Variants in SH2D3C observed in about 807,000 individuals in gnomAD.
SH2D3C encodes the protein SH2 domain-containing protein 3C.
SH2D3C carries 25 observed loss-of-function variants against 75.2 expected under a neutral mutation model. That is an observed-to-expected ratio of 0.33 (90% CI 0.24 to 0.46). The LOEUF is 0.46. SH2D3C is among the 20% of genes least tolerant of loss of function. SH2D3C has a pLI of 1.00. For synonymous variants in SH2D3C, 450 were observed against 473.7 expected (o/e 0.95, Z 0.65); for missense variants, 933 against 1,165.3 (o/e 0.80, Z 2.90).
rs1424066452 is a variant in SH2D3C at position 127,771,630 on chromosome 9, ACCCCG to A, written c.515+2355_515+2359del. ...CCTCAACTCCGCCTCGCCTCGCCCCACCCCGCCCCGCCCCGCTCCCGCGAAACTCG... is the reference window on the plus strand; with the variant it reads ...CCTCAACTCCGCCTCGCCTCGCCCCACCCCGCCCCGCTCCCGCGAAACTCG... On this transcript the variant is annotated intron_variant, in intron 2 of 11. Coordinates refer to ENST00000314830, the MANE Select transcript of SH2D3C (RefSeq NM_170600.3). Among the ~76,000 whole-genome samples the A allele has an allele frequency of 4.1e-5, 6 of 147,242 alleles. No individual in the cohort carries two copies. The South Asian group carries it at 1.3e-3, about 33-fold the overall frequency.
chr9:127,778,026 C>T lies in SH2D3C; in HGVS notation c.37+565G>A, dbSNP rs188921543. 7.2e-5 allele frequency among the ~76,000 whole-genome samples: 11 copies of T among 152,032 alleles called. No individual in the cohort carries two copies. The East Asian group carries it at 2.1e-3, about 29-fold the overall frequency. ...TTTTTGAGATGCAGTCTCGCTGTGTCGCCCAGACTGGAGTGCAGTGGTGCA... is the reference window on the plus strand; with the variant it reads ...TTTTTGAGATGCAGTCTCGCTGTGTTGCCCAGACTGGAGTGCAGTGGTGCA... On this transcript the variant is annotated intron_variant, in intron 1 of 11. Transcript: ENST00000314830.
chr9:127,740,221 G>C, intron 10 of SH2D3C, 37 bp downstream of exon 10: 1 of 1,554,546 alleles, frequency 6.4e-7, no homozygotes, highest in Middle Eastern at 1.7e-4. Flanking sequence ...CCCAGGGAGG[G>C]CTGCAGCCTG....
chr9:127,754,197 C>T lies in SH2D3C; in HGVS notation c.556-2897G>A, dbSNP rs1465173101. Among the ~76,000 whole-genome samples the T allele has an allele frequency of 2.0e-5, 3 of 152,182 alleles. No homozygotes were observed. The highest frequency in any genetic ancestry group is 7.2e-5 in the African/African-American group (3 of 41,448). On this transcript the variant is annotated intron_variant, in intron 3 of 11. Transcript: ENST00000314830. The surrounding 1 kb of genome is among the most constrained non-coding windows in gnomAD (Gnocchi z 4.4). Reference sequence around the variant, plus strand: ...GATGATCTCACCGCCTCCCGGCCTGCGCGCGCCTGATTGGCCGGTGCGGGG... The same window carrying T: ...GATGATCTCACCGCCTCCCGGCCTGTGCGCGCCTGATTGGCCGGTGCGGGG...
Position 127,754,703 on chromosome 9 carries a change from G to C in SH2D3C, c.556-3403C>G, listed in dbSNP as rs1168678024. 2.7e-6 allele frequency: 1 copy of C among 367,740 alleles called. No homozygotes were observed. The highest frequency in any genetic ancestry group is 5.9e-6 in the Non-Finnish European group (1 of 168,644). The allele number at this position is 367,740 out of a possible 1,614,324, so 22.8% of individuals were successfully genotyped here. ...CCCAGTCCGGCGCCCCCGGTACAATGGGGAGCCAGGGTGCCCAGGTCAGCC... is the reference window on the plus strand; with the variant it reads ...CCCAGTCCGGCGCCCCCGGTACAATCGGGAGCCAGGGTGCCCAGGTCAGCC... On this transcript the variant is annotated intron_variant, in intron 3 of 11. Coordinates refer to ENST00000314830, the MANE Select transcript of SH2D3C (RefSeq NM_170600.3). The surrounding 1 kb of genome is among the most constrained non-coding windows in gnomAD (Gnocchi z 4.4).
chr9:127,739,043 G>T lies in SH2D3C; in HGVS notation c.2408-122C>A. On this transcript the variant is annotated intron_variant, in intron 11 of 11. Coordinates refer to ENST00000314830, the MANE Select transcript of SH2D3C (RefSeq NM_170600.3). The surrounding 1 kb of genome is among the most constrained non-coding windows in gnomAD (Gnocchi z 4.3). ...CTCCGCCAGGGATCCAACAAGGTTTGTGAATCAACACGACCCTGTAGTTTA... is the reference window on the plus strand; with the variant it reads ...CTCCGCCAGGGATCCAACAAGGTTTTTGAATCAACACGACCCTGTAGTTTA... 1 of 815,642 alleles carries T rather than the reference G, an allele frequency of 1.2e-6. No homozygotes were observed. Among genetic ancestry groups the T allele is most frequent in the Non-Finnish European group, 1.8e-6 (1 of 556,446 alleles). 50.5% of individuals were successfully genotyped at this position (815,642 alleles called of 1,614,324 possible).
At chr9:127,778,019 G>A (rs1260651719) in intron 1 of SH2D3C, among the ~76,000 whole-genome samples, 1 of 151,738 alleles carries the variant, frequency 6.6e-6, no homozygotes, top group East Asian at 1.9e-4. Flanking sequence ...ATGCAGTCTC[G>A]CTGTGTCGCC....
Position 127,739,596 on chromosome 9 carries a change from G to T in SH2D3C, c.2407+86C>A. 1.7e-6 allele frequency: 2 copies of T among 1,210,504 alleles called. No individual in the cohort carries two copies. Among genetic ancestry groups the T allele is most frequent in the South Asian group, 1.4e-5 (1 of 70,830 alleles). The allele number at this position is 1,210,504 out of a possible 1,614,324, so 75.0% of individuals were successfully genotyped here. A position where few individuals can be genotyped will look rare whatever the true frequency, so the allele number is the denominator to read the frequency against. On this transcript the variant is annotated intron_variant, in intron 11 of 11. Coordinates refer to ENST00000314830, the MANE Select transcript of SH2D3C (RefSeq NM_170600.3). This position sits in a 1 kb window ranked among gnomAD's most constrained non-coding sequence, Gnocchi z 4.3. ...GACAGAGGAGTGGAGAAATGTGAAT[G>T]GATGCCTTGGAGAAAAGGGAAGCAG...
rs531008329 is a variant in SH2D3C at position 127,777,199 on chromosome 9, C to T, written c.37+1392G>A. On this transcript the variant is annotated intron_variant, in intron 1 of 11. Transcript: ENST00000314830. The stretch of plus-strand genomic sequence containing the variant: ...ACTGCCCTTTACGCCACATGTCCCC[C>T]ACCCTGGTGGGGTCAGATCAAAGGA... 1.5e-4 allele frequency among the ~76,000 whole-genome samples: 23 copies of T among 152,302 alleles called. No individual in the cohort carries two copies. The South Asian group carries it at 3.9e-3, about 26-fold the overall frequency.
In SH2D3C at chr9:127,744,932, C is replaced by T. The variant is rs760111430; in HGVS notation, c.1432G>A (p.Ala478Thr). 47 of 1,594,078 alleles carry T rather than the reference C, an allele frequency of 2.9e-5. No homozygotes were observed. In the South Asian group the frequency reaches 5.0e-4, roughly 17 times the overall value. The change falls in exon 7 of 12, where the codon GCC becomes ACC. Residue 478 changes from alanine to threonine, a missense_variant. Ala to Thr is a moderately conservative substitution (Grantham distance 58). Coordinates refer to ENST00000314830, the MANE Select transcript of SH2D3C (RefSeq NM_170600.3). ...HTSPSHTLGK[A>T]SPSPSLSSYS... ...CTGCTGAGTGATGGTGACGGGGAGG[C>T]CTTGCCAAGGGTGTGGGAGGGGCTG...
chr9:127,761,829 C>G (rs1564421886), intron 2 of SH2D3C, among the ~76,000 whole-genome samples, 179 bp from the exon 3 acceptor site: 1 of 152,170 alleles, frequency 6.6e-6, no homozygotes, highest in Non-Finnish European at 1.5e-5. Flanking sequence ...CTGTGCACCC[C>G]TAGGCAAGTC....
At chr9:127,760,406 G>A (rs1194359738) in intron 3 of SH2D3C, among the ~76,000 whole-genome samples, 8 of 152,084 alleles carry the variant, frequency 5.3e-5, no homozygotes, top group African/African-American at 1.7e-4. Flanking sequence ...TATCAGGTTG[G>A]TGCAAAAGTA....
chr9:127,739,932 C>T lies in SH2D3C; in HGVS notation c.2201-44G>A. 1 of 1,463,050 alleles carries T rather than the reference C, an allele frequency of 6.8e-7. No individual in the cohort carries two copies. Among genetic ancestry groups the T allele is most frequent in the Non-Finnish European group, 9.2e-7 (1 of 1,091,832 alleles). 90.6% of individuals were successfully genotyped at this position (1,463,050 alleles called of 1,614,324 possible). On this transcript the variant is annotated intron_variant, in intron 10 of 11. Transcript: ENST00000314830. The surrounding 1 kb of genome is among the most constrained non-coding windows in gnomAD (Gnocchi z 4.3). ...CAGGCGCTTAAAGATCCTGTAGTGC[C>T]CCACCATCCACTGCAGTCCTGGAAG...
At chr9:127,771,537 C>T (rs1030217012) in intron 2 of SH2D3C, 2 of 394,304 alleles carry the variant, frequency 5.1e-6, no homozygotes, top group Non-Finnish European at 4.3e-6. Flanking sequence ...CTCGCCCGCC[C>T]GGCTCCAACG....
intron 2 of SH2D3C, chr9:127,771,087 C>T: frequency 1.0e-6 from 1 of 954,210 alleles, no homozygotes; most frequent in Non-Finnish European, 1.5e-6. Flanking sequence ...GATGCTAACC[C>T]CGCCCCCAAA....
chr9:127,754,737 C>T lies in SH2D3C; in HGVS notation c.556-3437G>A, dbSNP rs970454418. On this transcript the variant is annotated intron_variant, in intron 3 of 11. Coordinates refer to ENST00000314830, the MANE Select transcript of SH2D3C (RefSeq NM_170600.3). The surrounding 1 kb of genome is among the most constrained non-coding windows in gnomAD (Gnocchi z 4.4). ...GGGTGCCCAGGTCAGCCGCAAGGGC[C>T]AGCGTACCAGGCGGAGGACCGGCAG... The T allele has an allele frequency of 8.9e-6, 4 of 450,440 alleles. No individual in the cohort carries two copies. The highest frequency in any genetic ancestry group is 6.1e-5 in the African/African-American group (3 of 49,474). 27.9% of individuals were successfully genotyped at this position (450,440 alleles called of 1,614,324 possible).
chr9:127,770,791 A>T (rs1845718170), intron 2 of SH2D3C, among the ~76,000 whole-genome samples: 1 of 152,134 alleles, frequency 6.6e-6, no homozygotes, highest in Non-Finnish European at 1.5e-5. Flanking sequence ...TGGACTTGCC[A>T]TTCTCAAGGT....
chr9:127,747,449 C>A (rs1845066445), intron 5 of SH2D3C, among the ~76,000 whole-genome samples, 178 bp from the exon 6 acceptor site: 1 of 152,162 alleles, frequency 6.6e-6, no homozygotes, highest in African/African-American at 2.4e-5. Context: ...AGGGAGGGGG[C>A]ACAGCGAGTC....
intron 1 of SH2D3C, among the ~76,000 whole-genome samples, chr9:127,775,245 A>G (rs576430265): frequency 6.6e-6 from 1 of 152,234 alleles, no homozygotes; most frequent in African/African-American, 2.4e-5. Flanking sequence ...TGTCATCCCA[A>G]CACTTTGGAA....
intron 6 of SH2D3C, 87 bp from the exon 7 acceptor site, chr9:127,745,186 C>G: frequency 8.5e-7 from 1 of 1,175,526 alleles, no homozygotes; most frequent in African/African-American, 1.5e-5. Context: ...AACAGGCTCC[C>G]TCACTCCTTG....
Sources: allele counts gnomAD v4.1 joint callset (sites outside exome capture counted in the v4.1 genomes callset), GRCh38; gene constraint gnomAD v4.1.1; non-coding constraint Gnocchi (gnomAD v3.1); transcripts MANE v1.5; gene names NCBI Gene and HGNC (gene_info 2026-07-23, HGNC 2026-07-21).